ZNG1A: variants seen among roughly 807,000 people sequenced by gnomAD.
The protein encoded by ZNG1A is Zn regulated GTPase metalloprotein activator 1A.
the ZNG1A span, among the ~76,000 whole-genome samples, chr9:174,224 A>G: frequency 2.0e-5 from 3 of 151,704 alleles, no homozygotes; most frequent in Admixed American, 6.6e-5. Flanking sequence ...AGAATAAACT[A>G]CATTTGAAAT....
At chr9:143,628 T>C in the ZNG1A span, among the ~76,000 whole-genome samples, 2 of 127,138 alleles carry the variant, frequency 1.6e-5, no homozygotes, top group Admixed American at 8.4e-5. Flanking sequence ...CCTTTGAAAA[T>C]GGGCACAAGA....
chr9:167,757 C>G, the ZNG1A span, among the ~76,000 whole-genome samples: 1 of 149,280 alleles, frequency 6.7e-6, no homozygotes, highest in Non-Finnish European at 1.5e-5. Flanking sequence ...TCACCTGTTT[C>G]TCACTTTAAA....
At chr9:139,059 G>A in the ZNG1A span, among the ~76,000 whole-genome samples, 2 of 148,434 alleles carry the variant, frequency 1.3e-5, no homozygotes. Context: ...GGACATATAC[G>A]AGACTTACGA....
the ZNG1A span, among the ~76,000 whole-genome samples, chr9:160,935 A>G: frequency 6.6e-6 from 1 of 151,038 alleles, no homozygotes; most frequent in African/African-American, 2.5e-5. Flanking sequence ...TTTCTGCATG[A>G]AACTGTAATA....
chr9:152,032 AC>A, the ZNG1A span: 1 of 623,894 alleles, frequency 1.6e-6, no homozygotes, highest in African/African-American at 2.0e-5. Context: ...TTTTTAAAGT[AC>A]CTTGATCTTT....
At chr9:149,796 A>G in the ZNG1A span, among the ~76,000 whole-genome samples, 6 of 149,740 alleles carry the variant, frequency 4.0e-5, no homozygotes, top group Non-Finnish European at 7.4e-5. Context: ...GTCCACTTAC[A>G]TTTCTAAAAA....
chr9:172,528 TAA>T, the ZNG1A span: 1 of 177,368 alleles, frequency 5.6e-6, no homozygotes, highest in Non-Finnish European at 1.2e-5. Flanking sequence ...ATATAATAGC[TAA>T]AGAGACACTG....
chr9:147,669 C>G, the ZNG1A span: 1 of 149,282 alleles, frequency 6.7e-6, no homozygotes, highest in African/African-American at 2.6e-5. Flanking sequence ...TCAGTTTACA[C>G]TAAAAGGCCA....
chr9:140,403 G>A, the ZNG1A span, among the ~76,000 whole-genome samples: 92 of 150,798 alleles, frequency 6.1e-4, no homozygotes, highest in East Asian at 1.4e-3. Context: ...GCAGAGGCAG[G>A]CTGACACCTC....
the ZNG1A span, among the ~76,000 whole-genome samples, chr9:168,169 T>C: frequency 1.6e-5 from 2 of 122,034 alleles, no homozygotes; most frequent in Admixed American, 8.7e-5. Context: ...AATGCTGATA[T>C]AGAAGCTGTA....
At chr9:151,892 A>G in the ZNG1A span, 1 of 455,554 alleles carries the variant, frequency 2.2e-6, no homozygotes, top group Non-Finnish European at 4.0e-6. Context: ...AGAGCATTCC[A>G]AACAACATTT....
chr9:177,308 T>C, the ZNG1A span, among the ~76,000 whole-genome samples: 58 of 152,186 alleles, frequency 3.8e-4, no homozygotes, highest in African/African-American at 1.3e-3. Context: ...ATAAAGATCA[T>C]TAAGGCTAAC....
At chr9:147,810 T>G in the ZNG1A span, 1 of 146,266 alleles carries the variant, frequency 6.8e-6, no homozygotes, top group African/African-American at 2.7e-5. Context: ...GCGGATCACT[T>G]TGAGGCCAGG....
At chr9:166,424 A>G in the ZNG1A span, 4 of 151,936 alleles carry the variant, frequency 2.6e-5, no homozygotes, top group South Asian at 8.4e-4. Context: ...GTTCTCCCAC[A>G]TCAAGAAGAA....
the ZNG1A span, among the ~76,000 whole-genome samples, chr9:126,655 C>T: frequency 2.6e-5 from 4 of 151,938 alleles, no homozygotes; most frequent in African/African-American, 9.7e-5. Flanking sequence ...AAAGAACCAG[C>T]TTTTTGTTTC....
chr9:159,714 A>AT, the ZNG1A span, among the ~76,000 whole-genome samples: 1 of 151,080 alleles, frequency 6.6e-6, no homozygotes, highest in Non-Finnish European at 1.5e-5. Flanking sequence ...AAAAGAAAAA[A>AT]CTATCTTAAA....
chr9:132,679 T>C, the ZNG1A span, among the ~76,000 whole-genome samples: 1 of 54,264 alleles, frequency 1.8e-5, no homozygotes, highest in East Asian at 5.2e-4. Flanking sequence ...CATGAAGCAT[T>C]TGATGGGGTT....
the ZNG1A span, chr9:156,338 C>G: frequency 6.9e-6 from 8 of 1,161,560 alleles, no homozygotes; most frequent in African/African-American, 3.1e-5. Context: ...AAATAGATAG[C>G]AATAATTCAA....
the ZNG1A span, among the ~76,000 whole-genome samples, chr9:155,355 G>C: frequency 6.6e-6 from 1 of 151,304 alleles, no homozygotes; most frequent in African/African-American, 2.4e-5. Flanking sequence ...AGGAGGCTGA[G>C]GAGGGAGGAT....
Sources: gnomAD v4.1 joint callset for allele counts (sites outside exome capture counted in the v4.1 genomes callset) on GRCh38, gnomAD v4.1.1 for gene constraint, MANE v1.5 for transcripts, NCBI Gene and HGNC (gene_info 2026-07-23, HGNC 2026-07-21) for gene names.